KIF21B: variants seen among roughly 807,000 people sequenced by gnomAD.
KIF21B encodes the protein kinesin-like protein KIF21B.
Under a neutral mutation model 192.9 loss-of-function variants are expected in KIF21B, and 85 were observed. That is an observed-to-expected ratio of 0.44 (90% CI 0.37 to 0.53). The LOEUF is 0.53. KIF21B is among the 20% of genes least tolerant of loss of function. The pLI is 0.00. For synonymous variants in KIF21B, 832 were observed against 884.6 expected (o/e 0.94, Z 1.05); for missense variants, 1,716 against 2,194.8 (o/e 0.78, Z 4.36).
In KIF21B at chr1:201,003,730, C is replaced by A; in HGVS notation, c.1068G>T (p.Glu356Asp). The change falls in exon 8 of 35, where the codon GAG becomes GAT. Residue 356 changes from glutamate (E) to aspartate (D), a missense_variant. This residue lies in a region of KIF21B where 1,087 missense variants were observed against 1,316.6 expected (regional missense o/e 0.83). Coordinates refer to ENST00000461742, the MANE Select transcript of KIF21B (RefSeq NM_001252102.2). ...CVSPSDRDFM[E>D]TLNTLKYANR... ...TGGCATATTTGAGTGTGTTGAGGGT[C>A]TCCATGAAATCTCGGTCTGAGGGGC... The A allele has an allele frequency of 6.2e-7, 1 of 1,614,124 alleles. No homozygotes were observed. Among genetic ancestry groups the A allele is most frequent in the South Asian group, 1.1e-5 (1 of 91,078 alleles).
chr1:201,003,579 T>A lies in KIF21B; in HGVS notation c.1212+7A>T, dbSNP rs1184179669. ...GAGTGCTGGGCAATGCCCAGGAGCA[T>A]GCTCACCGCCTTATACTCCATCAGC... is the stretch of plus-strand genomic sequence containing the variant. On this transcript the variant is annotated splice_region_variant and intron_variant, in intron 8 of 34. Transcript: ENST00000461742. The A allele has an allele frequency of 3.1e-6, 5 of 1,613,096 alleles. No individual in the cohort carries two copies. Among genetic ancestry groups the A allele is most frequent in the Non-Finnish European group, 2.5e-6 (3 of 1,180,000 alleles).
At position 200,998,427 on chromosome 1, in the gene KIF21B, G is replaced by A. The variant is rs753560867; in HGVS notation, c.2034C>T (p.Ile678=). ...GGTCGCGCTCCAGCTGTGTGTCTCG[G>A]ATCTTGTTCTGCAGCAGAATCAGCT... ...EEKLILLQNK[I]RDTQLERDRV... Residue 678 remains isoleucine, a synonymous_variant, in exon 14 of 35, where the codon ATC becomes ATT. Coordinates refer to ENST00000461742, the MANE Select transcript of KIF21B (RefSeq NM_001252102.2). This position sits in a 1 kb window ranked among gnomAD's most constrained non-coding sequence, Gnocchi z 4.3. 4.3e-6 allele frequency: 7 copies of A among 1,614,036 alleles called. No individual in the cohort carries two copies. In the East Asian group the frequency reaches 1.6e-4, roughly 36 times the overall value.
chr1:201,008,190 ACTAAAAGCCCCTCC>A lies in KIF21B; in HGVS notation c.447+565_447+578del, dbSNP rs140584747. Among the ~76,000 whole-genome samples, 135 of 152,296 alleles carry A rather than the reference ACTAAAAGCCCCTCC, an allele frequency of 8.9e-4. No homozygotes were observed. In the East Asian group the frequency reaches 0.025, roughly 28 times the overall value. Reference sequence around the variant, plus strand: ...AGAGCACAGAGACCCCCTGCTCCCCACTAAAAGCCCCTCCCTGGCTGCCACAGTCTGGGCCTGAT... The same window carrying A: ...AGAGCACAGAGACCCCCTGCTCCCCACTGGCTGCCACAGTCTGGGCCTGAT... On this transcript the variant is annotated intron_variant, in intron 3 of 34. Transcript: ENST00000461742.
chr1:201,010,582 C>G (rs1245250188), intron 1 of KIF21B, among the ~76,000 whole-genome samples: 3 of 152,162 alleles, frequency 2.0e-5, no homozygotes, highest in Admixed American at 1.3e-4. Flanking sequence ...GGGGGTTAGG[C>G]TCTCATGCCC....
chr1:201,000,795 C>A lies in KIF21B; in HGVS notation c.1403-15G>T. 1.2e-6 allele frequency: 2 copies of A among 1,613,992 alleles called. No individual in the cohort carries two copies. The highest frequency in any genetic ancestry group is 1.7e-6 in the Non-Finnish European group (2 of 1,179,932). ...ATTGCCATCGCCTGGAGTGGGACGG[C>A]GGGAAGAAGGGTGCGATAAAGAAGA... On this transcript the variant is annotated splice_polypyrimidine_tract_variant and intron_variant, in intron 9 of 34. Transcript: ENST00000461742. This position sits in a 1 kb window ranked among gnomAD's most constrained non-coding sequence, Gnocchi z 6.0.
rs1047893828 is a variant in KIF21B at position 200,989,017 on chromosome 1, C to T, written c.3133-86G>A. Reference sequence around the variant, plus strand: ...ACACAACCTGCACCCCTCAAGACACCTTGGAGTGCTCCTTTCCAGCTCCCA... The same window carrying T: ...ACACAACCTGCACCCCTCAAGACACTTTGGAGTGCTCCTTTCCAGCTCCCA... On this transcript the variant is annotated intron_variant, in intron 21 of 34. Coordinates refer to ENST00000461742, the MANE Select transcript of KIF21B (RefSeq NM_001252102.2). 17 of 1,352,758 alleles carry T rather than the reference C, an allele frequency of 1.3e-5. No homozygotes were observed. The South Asian group carries it at 2.2e-4, about 17-fold the overall frequency. The allele number at this position is 1,352,758 out of a possible 1,614,324, so 83.8% of individuals were successfully genotyped here.
chr1:200,983,777 C>T (rs1656107458), intron 27 of KIF21B, among the ~76,000 whole-genome samples: 1 of 152,286 alleles, frequency 6.6e-6, no homozygotes, highest in African/African-American at 2.4e-5. Context: ...TGATCCATGG[C>T]TCCCCCCACA....
intron 3 of KIF21B, among the ~76,000 whole-genome samples, chr1:201,005,978 C>T (rs569220815): frequency 2.4e-4 from 37 of 152,322 alleles, no homozygotes; most frequent in African/African-American, 8.4e-4. Flanking sequence ...CAAAGGGACA[C>T]GGGTCCCAGA....
intron 3 of KIF21B, among the ~76,000 whole-genome samples, chr1:201,005,973 G>C (rs1317336056): frequency 2.0e-5 from 3 of 152,230 alleles, no homozygotes; most frequent in African/African-American, 7.2e-5. Context: ...GAGGACAAAG[G>C]GACACGGGTC....
At chr1:200,984,703 G>A (rs1415811650) in intron 27 of KIF21B, among the ~76,000 whole-genome samples, 156 bp downstream of exon 27, 1 of 152,204 alleles carries the variant, frequency 6.6e-6, no homozygotes, top group Non-Finnish European at 1.5e-5. Context: ...GGAGAGAAAT[G>A]CCAGGAGAGG....
chr1:200,986,834 A>G lies in KIF21B; in HGVS notation c.3689+10T>C, dbSNP rs762380940. On this transcript the variant is annotated intron_variant, in intron 26 of 34. Coordinates refer to ENST00000461742, the MANE Select transcript of KIF21B (RefSeq NM_001252102.2). Reference sequence around the variant, plus strand: ...GTGACTCTGGAGCAGATTCTAGAACATGATCTCACCTAATGGGCTGCCCTC... The same window carrying G: ...GTGACTCTGGAGCAGATTCTAGAACGTGATCTCACCTAATGGGCTGCCCTC... The G allele has an allele frequency of 2.4e-5, 38 of 1,608,416 alleles. No individual in the cohort carries two copies. Among genetic ancestry groups the G allele is most frequent in the Non-Finnish European group, 3.2e-5 (38 of 1,176,660 alleles).
chr1:200,989,768 G>A (rs1419541843), intron 21 of KIF21B, among the ~76,000 whole-genome samples, 174 bp downstream of exon 21: 5 of 152,248 alleles, frequency 3.3e-5, no homozygotes, highest in Non-Finnish European at 5.9e-5. Flanking sequence ...GCTTGGTATG[G>A]TCGTCCTCTC....
At position 200,973,335 on chromosome 1, in the gene KIF21B, G is replaced by A; in HGVS notation, c.*186C>T. 1 of 622,624 alleles carries A rather than the reference G, an allele frequency of 1.6e-6. No individual in the cohort carries two copies. Among genetic ancestry groups the A allele is most frequent in the Non-Finnish European group, 2.4e-6 (1 of 411,930 alleles). The allele number at this position is 622,624 out of a possible 1,614,324, so 38.6% of individuals were successfully genotyped here. A position where few individuals can be genotyped will look rare whatever the true frequency, so the allele number is the denominator to read the frequency against. On this transcript the variant is annotated 3_prime_UTR_variant, in exon 35 of 35. Transcript: ENST00000461742. The stretch of plus-strand genomic sequence containing the variant: ...CTCTCTCTCACCCAGAGGCTCCTGA[G>A]AGGCAGGGGAGGGATGAGGGAACAG...
In KIF21B at chr1:201,018,075, G is replaced by A. The variant is rs1259823071; in HGVS notation, c.41+5268C>T. On this transcript the variant is annotated intron_variant, in intron 1 of 34. Coordinates refer to ENST00000461742, the MANE Select transcript of KIF21B (RefSeq NM_001252102.2). ...GGGCCCTCTCAGTGCCCCTCTGGCTGTTCTAAGAGGGAGGGGCACAGAAGA... is the reference window on the plus strand; with the variant it reads ...GGGCCCTCTCAGTGCCCCTCTGGCTATTCTAAGAGGGAGGGGCACAGAAGA... Among the ~76,000 whole-genome samples, 8 of 152,176 alleles carry A rather than the reference G, an allele frequency of 5.3e-5. No homozygotes were observed. The East Asian group carries it at 1.2e-3, about 22-fold the overall frequency.
rs147866695 is a variant in KIF21B at position 200,986,860 on chromosome 1, G to A, written c.3673C>T (p.Arg1225Ter). The change falls in exon 26 of 35, where the codon CGA (arginine) becomes TGA (stop). Residue 1225 changes from arginine (R) to a stop codon, truncating the protein, a stop_gained. Transcript: ENST00000461742. LOFTEE classifies it high-confidence loss of function. The stretch of plus-strand genomic sequence containing the variant: ...TGATCTCACCTAATGGGCTGCCCTC[G>A]GTCGTAGGACTTCCTTCTCGTCAGC... ...SPLTRRKSYD[R>*]GQPIRSTDVG... is the part of the protein sequence containing the mutation. The A allele has an allele frequency of 3.1e-6, 5 of 1,613,466 alleles. No individual in the cohort carries two copies. The highest frequency in any genetic ancestry group is 3.4e-6 in the Non-Finnish European group (4 of 1,179,696).
In KIF21B at chr1:200,980,939, G is replaced by A. The variant is rs539045102; in HGVS notation, c.3979+21C>T. 263 of 1,605,824 alleles carry A rather than the reference G, an allele frequency of 1.6e-4. 2 individuals carry two copies. In the South Asian group the frequency reaches 2.7e-3, roughly 17 times the overall value. On this transcript the variant is annotated intron_variant, in intron 29 of 34. Coordinates refer to ENST00000461742, the MANE Select transcript of KIF21B (RefSeq NM_001252102.2). ...GAGTAGGAGACCCCAACCCTACCTG[G>A]CTAGTTGGCGTTCCACATACCTTTG...
chr1:201,000,037 AGCG>A lies in KIF21B; in HGVS notation c.1686-76_1686-74del. ...CTGAGCACATGGGCAGGACGGCGGC[AGCG>A]GCAGAAAAGGAAGGCTCTCACCAGA... On this transcript the variant is annotated intron_variant, in intron 11 of 34. Transcript: ENST00000461742. The surrounding 1 kb of genome is among the most constrained non-coding windows in gnomAD (Gnocchi z 6.0). The A allele has an allele frequency of 5.1e-6, 7 of 1,379,316 alleles. No individual in the cohort carries two copies. The highest frequency in any genetic ancestry group is 7.2e-6 in the Non-Finnish European group (7 of 973,554). The allele number at this position is 1,379,316 out of a possible 1,614,324, so 85.4% of individuals were successfully genotyped here. A position where few individuals can be genotyped will look rare whatever the true frequency, so the allele number is the denominator to read the frequency against.
Position 201,008,854 on chromosome 1 carries a change from A to G in KIF21B, c.362T>C (p.Phe121Ser). Reference sequence around the variant, plus strand: ...GCGCTTGCGCTCGGCAATGCCCCCAAAGAGGTGTGCGATGGCCCTCGGGAT... The same window carrying G: ...GCGCTTGCGCTCGGCAATGCCCCCAGAGAGGTGTGCGATGGCCCTCGGGAT... Reference protein sequence around the residue: ...GIIPRAIAHLFGGIAERKRRA... With the variant: ...GIIPRAIAHLSGGIAERKRRA... The change falls in exon 3 of 35, where the codon TTT becomes TCT. Residue 121 changes from phenylalanine to serine, a missense_variant. Phe to Ser is a radical substitution (Grantham distance 155). Coordinates refer to ENST00000461742, the MANE Select transcript of KIF21B (RefSeq NM_001252102.2). The G allele has an allele frequency of 6.2e-7, 1 of 1,610,682 alleles. No individual in the cohort carries two copies. Among genetic ancestry groups the G allele is most frequent in the Non-Finnish European group, 8.5e-7 (1 of 1,179,986 alleles).
At chr1:200,986,749 C>G in intron 26 of KIF21B, 95 bp downstream of exon 26, 1 of 1,118,980 alleles carries the variant, frequency 8.9e-7, no homozygotes, top group Non-Finnish European at 1.3e-6. Flanking sequence ...ACACTGTGTA[C>G]AAGATGATCA....
Sources: gnomAD v4.1 joint callset for allele counts (sites outside exome capture counted in the v4.1 genomes callset) on GRCh38, gnomAD v4.1.1 for gene constraint, gnomAD v4.1.1 regional missense constraint, Gnocchi (gnomAD v3.1) non-coding constraint, MANE v1.5 for transcripts, NCBI Gene and HGNC (gene_info 2026-07-23, HGNC 2026-07-21) for gene names.